The following OR3A2 variants were observed in gnomAD, a reference collection of about 807,000 sequenced individuals.
OR3A2 encodes olfactory receptor family 3 subfamily A member 2, also known as olfactory receptor 3A2.
For synonymous variants in OR3A2, 126 were observed against 159.3 expected (o/e 0.79, Z 1.57); for missense variants, 318 against 392.8 (o/e 0.81, Z 1.61).
Position 3,357,600 on chromosome 17 carries a change from A to G in OR3A2, c.-178-21474T>C, listed in dbSNP as rs527726065. Among the ~76,000 whole-genome samples the G allele has an allele frequency of 1.5e-4, 22 of 151,724 alleles. 1 individual carries two copies. Among genetic ancestry groups the G allele is most frequent in the Admixed American group, 3.9e-4 (6 of 15,254 alleles). On this transcript the variant is annotated intron_variant, in intron 2 of 4. Transcript: ENST00000573491. ...TTTGTTTAATGGGTACAGAGTTTCAATTGGGGAGGATGAAAAAGAGGTCCA... is the reference window on the plus strand; with the variant it reads ...TTTGTTTAATGGGTACAGAGTTTCAGTTGGGGAGGATGAAAAAGAGGTCCA...
At chr17:3,288,246 C>A (rs1044692158), upstream of OR3A2, among the ~76,000 whole-genome samples, 444 of 73,256 alleles carry the variant, frequency 6.1e-3, no homozygotes, top group Middle Eastern at 0.016. Context: ...ACCAAAAGGG[C>A]AAAAAAAAAA....
At chr17:3,300,316 T>C (rs959763769) in intron 3 of OR3A2, among the ~76,000 whole-genome samples, 1 of 152,156 alleles carries the variant, frequency 6.6e-6, no homozygotes, top group African/African-American at 2.4e-5. Flanking sequence ...CCTCACACTT[T>C]GGGAGGCCAA....
intron 2 of OR3A2, among the ~76,000 whole-genome samples, chr17:3,382,604 G>A (rs755655514): frequency 7.2e-5 from 11 of 152,124 alleles, no homozygotes; most frequent in Non-Finnish European, 1.2e-4. Flanking sequence ...CTGACCCCAC[G>A]TCCAAACTCT....
At chr17:3,305,299 A>G (rs1309637134) in intron 3 of OR3A2, among the ~76,000 whole-genome samples, 2 of 152,204 alleles carry the variant, frequency 1.3e-5, no homozygotes, top group East Asian at 1.9e-4. Flanking sequence ...TTAACCACCA[A>G]TCCACCAGGC....
chr17:3,373,789 C>T (rs1011650963), intron 2 of OR3A2, among the ~76,000 whole-genome samples: 1 of 152,304 alleles, frequency 6.6e-6, no homozygotes, highest in East Asian at 1.9e-4. Context: ...AGGCCATTTA[C>T]ATTCAATGTT....
chr17:3,369,065 C>T (rs1470620928), intron 2 of OR3A2, among the ~76,000 whole-genome samples: 1 of 152,122 alleles, frequency 6.6e-6, no homozygotes, highest in Non-Finnish European at 1.5e-5. Context: ...AGCAGTGCTA[C>T]TGATTTGTGG....
intron 2 of OR3A2, among the ~76,000 whole-genome samples, chr17:3,346,716 T>C (rs993250536): frequency 2.6e-5 from 4 of 152,084 alleles, no homozygotes; most frequent in African/African-American, 9.7e-5. Flanking sequence ...TCCCAGCCTC[T>C]GCTCTTCTAC....
chr17:3,287,536 G>C (rs924575732), upstream of OR3A2, among the ~76,000 whole-genome samples: 3 of 152,168 alleles, frequency 2.0e-5, no homozygotes, highest in African/African-American at 7.2e-5. Context: ...TCGTCTGTTA[G>C]TGTCAACATC....
intron 3 of OR3A2, among the ~76,000 whole-genome samples, chr17:3,319,537 C>G (rs921070258): frequency 6.6e-6 from 1 of 152,048 alleles, no homozygotes; most frequent in African/African-American, 2.4e-5. Context: ...TCCCACCACC[C>G]CACAACAGTC....
At chr17:3,314,502 CAT>C (rs2307966) in intron 3 of OR3A2, among the ~76,000 whole-genome samples, 61,286 of 151,676 alleles carry the variant, frequency 0.4, 12,680 homozygotes, top group Admixed American at 0.52. Flanking sequence ...ATGATGTAAA[CAT>C]GTGTATGGGC....
chr17:3,303,528 C>T (rs1480297751), intron 3 of OR3A2, among the ~76,000 whole-genome samples: 1 of 151,632 alleles, frequency 6.6e-6, no homozygotes, highest in Non-Finnish European at 1.5e-5. Flanking sequence ...GATCACGAAG[C>T]CAAGAGATCG....
intron 2 of OR3A2, among the ~76,000 whole-genome samples, chr17:3,362,092 G>C (rs924819847): frequency 3.3e-5 from 5 of 151,614 alleles, no homozygotes; most frequent in African/African-American, 1.2e-4. Flanking sequence ...CTCAATTTCA[G>C]AGCCTGTTAT....
chr17:3,380,169 A>G (rs2049721620), intron 2 of OR3A2, among the ~76,000 whole-genome samples: 1 of 152,148 alleles, frequency 6.6e-6, no homozygotes. Context: ...TCTGTGGGTG[A>G]GCTGTGGAGG....
At chr17:3,312,924 A>G (rs1055415498) in intron 3 of OR3A2, among the ~76,000 whole-genome samples, 15 of 152,316 alleles carry the variant, frequency 9.8e-5, no homozygotes, top group African/African-American at 3.4e-4. Flanking sequence ...GCACCTGGCC[A>G]TAAGTTTTAC....
At chr17:3,330,813 G>C (rs2049225640) in intron 3 of OR3A2, among the ~76,000 whole-genome samples, 1 of 151,860 alleles carries the variant, frequency 6.6e-6, no homozygotes, top group South Asian at 2.1e-4. Flanking sequence ...ATTCTCGATG[G>C]TCTTTAAATT....
intron 3 of OR3A2, among the ~76,000 whole-genome samples, chr17:3,315,317 G>A (rs565079093): frequency 1.8e-4 from 27 of 152,296 alleles, no homozygotes; most frequent in South Asian, 6.2e-4. Context: ...ACGTAGAAGC[G>A]TTCTCTTTTC....
chr17:3,380,291 T>C (rs2150669069), intron 2 of OR3A2, among the ~76,000 whole-genome samples: 1 of 152,316 alleles, frequency 6.6e-6, no homozygotes, highest in South Asian at 2.1e-4. Context: ...GAGAACGACC[T>C]GCCAACGTGT....
intron 3 of OR3A2, among the ~76,000 whole-genome samples, chr17:3,293,525 T>C (rs17175052): frequency 2.0e-5 from 3 of 152,118 alleles, no homozygotes; most frequent in Non-Finnish European, 4.4e-5. Flanking sequence ...ATATCTAGTT[T>C]GGCAAAAACT....
chr17:3,328,472 T>G (rs2049196713), intron 3 of OR3A2, among the ~76,000 whole-genome samples: 1 of 129,934 alleles, frequency 7.7e-6, no homozygotes, highest in Non-Finnish European at 1.6e-5. Context: ...CACAATGGGG[T>G]TTTCTAGATA....
Sources: gnomAD v4.1 joint callset for allele counts (sites outside exome capture counted in the v4.1 genomes callset) on GRCh38, gnomAD v4.1.1 for gene constraint, MANE v1.5 for transcripts, NCBI Gene and HGNC (gene_info 2026-07-23, HGNC 2026-07-21) for gene names.